Variants in SLC22A15 observed in about 807,000 individuals in gnomAD.
SLC22A15 encodes the protein flipt 1.
In SLC22A15, 45 loss-of-function variants were observed where a neutral mutation model predicts 62.7. The observed-to-expected ratio is 0.72, with a 90% CI of 0.56 to 0.92. The LOEUF (loss-of-function observed/expected upper bound fraction) is 0.92, where lower values mean the gene tolerates loss of function less well. Among genes scored for constraint, SLC22A15 ranks in the 40% least tolerant of loss-of-function variants. The pLI, the probability that SLC22A15 is intolerant of heterozygous loss-of-function variation, is 0.00. For synonymous variants in SLC22A15, 264 were observed against 267.0 expected (o/e 0.99, Z 0.11); for missense variants, 622 against 665.6 (o/e 0.93, Z 0.72).
At chr1:116,004,068 C>G (rs1442049203) in intron 2 of SLC22A15, among the ~76,000 whole-genome samples, 1 of 152,182 alleles carries the variant, frequency 6.6e-6, no homozygotes, top group Admixed American at 6.5e-5. Context: ...CCTTACCTCT[C>G]CTTAATTCCT....
At chr1:116,029,654 T>C (rs1159176607) in intron 5 of SLC22A15, among the ~76,000 whole-genome samples, 1 of 152,212 alleles carries the variant, frequency 6.6e-6, no homozygotes, top group Non-Finnish European at 1.5e-5. Context: ...GAAATAGTTT[T>C]ATTAACTCAG....
At chr1:115,991,698 A>T (rs1302825232) in intron 1 of SLC22A15, among the ~76,000 whole-genome samples, 1 of 152,232 alleles carries the variant, frequency 6.6e-6, no homozygotes, top group Non-Finnish European at 1.5e-5. Context: ...AATCAGAGCA[A>T]ATAATGTTTT....
At chr1:116,043,216 G>C (rs1657836104) in intron 8 of SLC22A15, among the ~76,000 whole-genome samples, 1 of 152,192 alleles carries the variant, frequency 6.6e-6, no homozygotes, top group South Asian at 2.1e-4. Context: ...TTGAGGTCAG[G>C]AGTTCAAGAT....
In SLC22A15 at chr1:116,026,897, G is replaced by A. The variant is rs752672021; in HGVS notation, c.603G>A (p.Ser201=). The A allele has an allele frequency of 2.4e-5, 38 of 1,612,742 alleles. No homozygotes were observed. Among genetic ancestry groups the A allele is most frequent in the African/African-American group, 6.7e-5 (5 of 74,880 alleles). The part of the protein sequence containing the change: ...VGTAYWALAG[S]IGGLFFAVGI... ...GTTCTCTTTTCCCTGAATTAGGATC[G>A]ATTGGCGGCCTGTTCTTTGCAGTTG... Residue 201 remains serine (S), a synonymous_variant, in exon 5 of 12, where the codon TCG becomes TCA. Coordinates refer to ENST00000369503, the MANE Select transcript of SLC22A15 (RefSeq NM_018420.3).
chr1:116,056,208 T>C (rs1426825379), intron 8 of SLC22A15, among the ~76,000 whole-genome samples: 3 of 152,120 alleles, frequency 2.0e-5, no homozygotes, highest in Non-Finnish European at 4.4e-5. Flanking sequence ...TTCAGCAAAG[T>C]CTCAGGATAC....
At chr1:116,045,815 T>C (rs1034257730) in intron 8 of SLC22A15, among the ~76,000 whole-genome samples, 7 of 151,416 alleles carry the variant, frequency 4.6e-5, no homozygotes, top group Non-Finnish European at 8.8e-5. Context: ...GGAATGTCTC[T>C]ATAGATAATG....
chr1:116,050,925 A>C (rs1431765237), intron 8 of SLC22A15, among the ~76,000 whole-genome samples: 1 of 152,198 alleles, frequency 6.6e-6, no homozygotes, highest in Non-Finnish European at 1.5e-5. Context: ...TCTATACACC[A>C]ATGGCAGCCA....
At chr1:116,048,120 T>C (rs1310689525) in intron 8 of SLC22A15, among the ~76,000 whole-genome samples, 1 of 152,178 alleles carries the variant, frequency 6.6e-6, no homozygotes. Flanking sequence ...TTGGTGTTCC[T>C]GAGGAAGAAG....
chr1:116,009,545 A>T (rs182951761), intron 2 of SLC22A15, among the ~76,000 whole-genome samples: 1 of 152,296 alleles, frequency 6.6e-6, no homozygotes, highest in African/African-American at 2.4e-5. Context: ...CATCAGTTAC[A>T]CTTTAGCCGG....
At chr1:116,052,765 G>T (rs143581355) in intron 8 of SLC22A15, among the ~76,000 whole-genome samples, 1,616 of 152,298 alleles carry the variant, frequency 0.011, 79 homozygotes, top group Admixed American at 0.079. Context: ...CTACTGTTCT[G>T]CAGACACCAC....
chr1:115,988,313 A>G (rs1031735090), intron 1 of SLC22A15, among the ~76,000 whole-genome samples: 1 of 152,204 alleles, frequency 6.6e-6, no homozygotes, highest in Non-Finnish European at 1.5e-5. Flanking sequence ...TGTAGATAAC[A>G]GTGGAGAGAA....
chr1:116,031,962 C>T lies in SLC22A15; in HGVS notation c.944+381C>T. The T allele has an allele frequency of 2.8e-6, 3 of 1,067,010 alleles. No homozygotes were observed. In the South Asian group the frequency reaches 9.0e-5, roughly 32 times the overall value. 66.1% of individuals were successfully genotyped at this position (1,067,010 alleles called of 1,614,324 possible). On this transcript the variant is annotated intron_variant, in intron 6 of 11. Coordinates refer to ENST00000369503, the MANE Select transcript of SLC22A15 (RefSeq NM_018420.3). ...TTAAATAGGACTTTAAAAATACTTA[C>T]CTTTGGCACTGGCATCAAGCAGTTT...
chr1:116,042,568 C>G (rs990062243), intron 8 of SLC22A15, among the ~76,000 whole-genome samples: 2 of 152,102 alleles, frequency 1.3e-5, no homozygotes, highest in African/African-American at 4.8e-5. Flanking sequence ...AAAGTATTTG[C>G]AGAAATGCTC....
intron 2 of SLC22A15, among the ~76,000 whole-genome samples, chr1:115,993,824 C>T (rs1655278742): frequency 6.6e-6 from 1 of 152,150 alleles, no homozygotes. Flanking sequence ...TTTCCAGCCC[C>T]ACTCTGCACT....
chr1:116,023,181 G>A (rs763313535), intron 4 of SLC22A15, among the ~76,000 whole-genome samples: 18 of 152,136 alleles, frequency 1.2e-4, no homozygotes, highest in African/African-American at 2.4e-5. Context: ...AAAACAATAT[G>A]TAAACATATA....
intron 2 of SLC22A15, among the ~76,000 whole-genome samples, chr1:115,994,860 G>A (rs1655340674): frequency 6.6e-6 from 1 of 152,066 alleles, no homozygotes; most frequent in Non-Finnish European, 1.5e-5. Flanking sequence ...ACCTAATTTT[G>A]TCACTTAACC....
At chr1:116,039,552 T>C (rs1188469000) in intron 8 of SLC22A15, among the ~76,000 whole-genome samples, 6 of 151,904 alleles carry the variant, frequency 3.9e-5, no homozygotes, top group Non-Finnish European at 1.5e-5. Context: ...AAAAAAGATT[T>C]CCAGGGAAAT....
intron 8 of SLC22A15, among the ~76,000 whole-genome samples, chr1:116,055,687 C>T (rs1337670344): frequency 6.6e-6 from 1 of 151,906 alleles, no homozygotes; most frequent in Admixed American, 6.6e-5. Flanking sequence ...TCCAGCAGCA[C>T]AGCAAAAAGC....
At position 116,012,471 on chromosome 1, in the gene SLC22A15, G is replaced by A. The variant is rs572215833; in HGVS notation, c.301-7111G>A. Reference sequence around the variant, plus strand: ...CCCTGTGCTCTAATACAGTAGGGAAGGATAATAATAACAGCACAGGGCTAT... The same window carrying A: ...CCCTGTGCTCTAATACAGTAGGGAAAGATAATAATAACAGCACAGGGCTAT... On this transcript the variant is annotated intron_variant, in intron 2 of 11. Coordinates refer to ENST00000369503, the MANE Select transcript of SLC22A15 (RefSeq NM_018420.3). 4.6e-5 allele frequency among the ~76,000 whole-genome samples: 7 copies of A among 152,288 alleles called. No homozygotes were observed. The East Asian group carries it at 1.2e-3, about 25-fold the overall frequency.
Sources: gnomAD v4.1 joint callset for allele counts (sites outside exome capture counted in the v4.1 genomes callset) on GRCh38, gnomAD v4.1.1 for gene constraint, MANE v1.5 for transcripts, NCBI Gene and HGNC (gene_info 2026-07-23, HGNC 2026-07-21) for gene names.